LZTS1: variants seen among roughly 807,000 people sequenced by gnomAD.
LZTS1 encodes the protein leucine zipper tumor suppressor 1.
A neutral mutation model predicts 45.8 loss-of-function variants in LZTS1; 31 were observed. The observed-to-expected ratio is 0.68, with a 90% CI of 0.51 to 0.91. The LOEUF (loss-of-function observed/expected upper bound fraction) is 0.91. Among genes scored for constraint, LZTS1 ranks in the 40% least tolerant of loss-of-function variants. The pLI is 0.00. For synonymous variants in LZTS1, 359 were observed against 357.3 expected, an observed-to-expected ratio of 1.00 and a Z score of -0.05; for missense variants, 821 against 788.9, an observed-to-expected ratio of 1.04 and a Z score of -0.49.
intron 1 of LZTS1, among the ~76,000 whole-genome samples, chr8:20,302,581 A>G (rs998118536): frequency 3.3e-5 from 5 of 152,174 alleles, no homozygotes; most frequent in Non-Finnish European, 5.9e-5. Context: ...GGCTCCCAGC[A>G]TTCCTATTAG....
At chr8:20,302,194 G>C (rs1401829750) in intron 1 of LZTS1, among the ~76,000 whole-genome samples, 1 of 152,126 alleles carries the variant, frequency 6.6e-6, no homozygotes, top group Non-Finnish European at 1.5e-5. Flanking sequence ...TGAGGATAAA[G>C]GAGATAACGT....
At chr8:20,302,463 A>G (rs1376399846) in intron 1 of LZTS1, among the ~76,000 whole-genome samples, 1 of 152,142 alleles carries the variant, frequency 6.6e-6, no homozygotes, top group African/African-American at 2.4e-5. Context: ...GAACTTAGAG[A>G]AAGCTCAGGT....
At chr8:20,290,826 G>A (rs1316068590) in intron 1 of LZTS1, among the ~76,000 whole-genome samples, 1 of 152,236 alleles carries the variant, frequency 6.6e-6, no homozygotes, top group Non-Finnish European at 1.5e-5. Flanking sequence ...CAGGAGGAAG[G>A]AGGAAGGAAG....
intron 1 of LZTS1, among the ~76,000 whole-genome samples, chr8:20,296,188 C>T (rs1800975853): frequency 6.6e-6 from 1 of 152,208 alleles, no homozygotes; most frequent in Non-Finnish European, 1.5e-5. Flanking sequence ...CCCAAGCCAA[C>T]AGGCCAGGGA....
intron 1 of LZTS1, among the ~76,000 whole-genome samples, chr8:20,257,074 G>A (rs1055463417): frequency 6.6e-6 from 1 of 152,044 alleles, no homozygotes; most frequent in Admixed American, 6.5e-5. Context: ...AAATGGCCAG[G>A]CGCAATGGCT....
chr8:20,277,427 C>T (rs1020314206), intron 1 of LZTS1, among the ~76,000 whole-genome samples: 1 of 152,210 alleles, frequency 6.6e-6, no homozygotes, highest in Non-Finnish European at 1.5e-5. Context: ...CATGCTGCTG[C>T]TCTGCCTATG....
intron 1 of LZTS1, among the ~76,000 whole-genome samples, chr8:20,299,217 C>T (rs1351111163): frequency 6.6e-6 from 1 of 152,220 alleles, no homozygotes; most frequent in Non-Finnish European, 1.5e-5. Context: ...CCTCAGCTCT[C>T]AGCTTGCATC....
intron 1 of LZTS1, among the ~76,000 whole-genome samples, chr8:20,259,538 G>A (rs1800180932): frequency 1.3e-5 from 2 of 152,114 alleles, no homozygotes; most frequent in East Asian, 1.9e-4. Context: ...ACTTCCTAAT[G>A]GGAACCCTTC....
intron 1 of LZTS1, among the ~76,000 whole-genome samples, chr8:20,255,528 G>A (rs1017736867): frequency 6.6e-6 from 1 of 152,078 alleles, no homozygotes. Context: ...CTAAACACTC[G>A]GGACCCAGCA....
At chr8:20,268,913 A>T (rs1800419436) in intron 1 of LZTS1, among the ~76,000 whole-genome samples, 1 of 152,070 alleles carries the variant, frequency 6.6e-6, no homozygotes, top group Admixed American at 6.5e-5. Context: ...TCGGCTTCCC[A>T]CTGCTCTGGA....
At chr8:20,288,821 T>C (rs1044944907) in intron 1 of LZTS1, among the ~76,000 whole-genome samples, 4 of 151,724 alleles carry the variant, frequency 2.6e-5, no homozygotes, top group Non-Finnish European at 4.4e-5. Flanking sequence ...GTTCAGGTAA[T>C]CCCTTCATTT....
chr8:20,265,314 G>A (rs563384595), intron 1 of LZTS1, among the ~76,000 whole-genome samples: 311 of 152,226 alleles, frequency 2.0e-3, no homozygotes, highest in African/African-American at 7.0e-3. Flanking sequence ...CCAGGGTAGC[G>A]GCATGGCAGG....
At chr8:20,257,562 T>C (rs567569858) in intron 1 of LZTS1, among the ~76,000 whole-genome samples, 1 of 152,332 alleles carries the variant, frequency 6.6e-6, no homozygotes, top group South Asian at 2.1e-4. Context: ...CCCAGCCGAC[T>C]TGGTGTGCAT....
intron 1 of LZTS1, among the ~76,000 whole-genome samples, chr8:20,266,979 G>A (rs532251201): frequency 4.6e-5 from 7 of 151,814 alleles, no homozygotes; most frequent in South Asian, 2.1e-4. Flanking sequence ...ATGGTGGCGC[G>A]CACCTGTAGT....
chr8:20,277,308 C>T (rs1476656125), intron 1 of LZTS1, among the ~76,000 whole-genome samples: 1 of 152,212 alleles, frequency 6.6e-6, no homozygotes, highest in Non-Finnish European at 1.5e-5. Flanking sequence ...AGGGAGGAAC[C>T]CTCAGTTCTG....
chr8:20,298,398 T>C (rs1410244385), intron 1 of LZTS1, among the ~76,000 whole-genome samples: 1 of 152,198 alleles, frequency 6.6e-6, no homozygotes, highest in Non-Finnish European at 1.5e-5. Context: ...GGTTTCCTCA[T>C]CTGCCAAATG....
intron 1 of LZTS1, among the ~76,000 whole-genome samples, chr8:20,302,564 G>T (rs1226480711): frequency 1.3e-5 from 2 of 152,136 alleles, no homozygotes; most frequent in African/African-American, 2.4e-5. Context: ...TTGTGGCTGG[G>T]CTCCTGGGCT....
In LZTS1 at chr8:20,250,173, A is replaced by C. The variant is rs1386445624; in HGVS notation, c.1340T>G (p.Leu447Arg). The change falls in exon 4 of 4, where the codon CTG becomes CGG. Residue 447 changes from leucine (L) to arginine (R), a missense_variant. Coordinates refer to ENST00000381569, the MANE Select transcript of LZTS1 (RefSeq NM_021020.5). ...EGALRTKGLE[L>R]EVCENELQRK... ...CTGCAGCTCATTCTCACAGACCTCC[A>C]GCTCCAGGCCCTTGGTGCGCAGGGC... The C allele has an allele frequency of 6.2e-7, 1 of 1,610,772 alleles. No individual in the cohort carries two copies. Among genetic ancestry groups the C allele is most frequent in the Non-Finnish European group, 8.5e-7 (1 of 1,179,632 alleles).
At chr8:20,269,034 A>G (rs1800422395) in intron 1 of LZTS1, among the ~76,000 whole-genome samples, 2 of 152,064 alleles carry the variant, frequency 1.3e-5, no homozygotes, top group Admixed American at 1.3e-4. Flanking sequence ...AGCAGCATTG[A>G]TTGACATTTC....
Sources: allele counts gnomAD v4.1 joint callset (sites outside exome capture counted in the v4.1 genomes callset), GRCh38; gene constraint gnomAD v4.1.1; transcripts MANE v1.5; gene names NCBI Gene and HGNC (gene_info 2026-07-23, HGNC 2026-07-21).